TANC2: variants seen among roughly 807,000 people sequenced by gnomAD.
TANC2 encodes tetratricopeptide repeat, ankyrin repeat and coiled-coil containing 2, also known as protein TANC2.
TANC2 carries 26 observed loss-of-function variants against 210.5 expected under a neutral mutation model. The observed-to-expected ratio is 0.12, with a 90% confidence interval of 0.09 to 0.17. TANC2 has a LOEUF of 0.17. TANC2 is among the 10% of genes least tolerant of loss of function. The probability of loss-of-function intolerance (pLI) is 1.00; values close to 1 mark genes in which losing one functional copy is unlikely to be tolerated. For missense variants in TANC2, 2,129 were observed against 2,608.9 expected, an observed-to-expected ratio of 0.82 and a Z score of 4.01; for synonymous variants, 931 against 967.1, an observed-to-expected ratio of 0.96 and a Z score of 0.69.
At chr17:63,289,712 C>T (rs1361187964) in intron 9 of TANC2, among the ~76,000 whole-genome samples, 1 of 152,188 alleles carries the variant, frequency 6.6e-6, no homozygotes, top group Admixed American at 6.5e-5. Flanking sequence ...CCTGTCTCTT[C>T]ACATTGTGTT....
chr17:63,056,679 A>G (rs1425135285), intron 2 of TANC2, among the ~76,000 whole-genome samples: 1 of 152,186 alleles, frequency 6.6e-6, no homozygotes, highest in Non-Finnish European at 1.5e-5. Context: ...ACCCTGTCTC[A>G]TAAATAAAAA....
At chr17:63,232,686 A>G (rs373506012) in intron 7 of TANC2, among the ~76,000 whole-genome samples, 1 of 152,220 alleles carries the variant, frequency 6.6e-6, no homozygotes, top group Non-Finnish European at 1.5e-5. Context: ...ACCCTCCTGT[A>G]TAAGGTGTCT....
intron 5 of TANC2, among the ~76,000 whole-genome samples, chr17:63,179,875 C>G (rs138015040): frequency 1.3e-5 from 2 of 151,590 alleles, no homozygotes; most frequent in African/African-American, 4.8e-5. Context: ...CTAGGCTGGG[C>G]ATGGTTCATG....
chr17:63,063,571 T>TA (rs1356656253), intron 2 of TANC2, among the ~76,000 whole-genome samples: 6,530 of 119,476 alleles, frequency 0.055, 511 homozygotes, highest in African/African-American at 0.21. Flanking sequence ...TGTGTGTGTG[T>TA]GTGTAGATAT....
At chr17:63,303,172 T>A (rs1448373577) in intron 9 of TANC2, among the ~76,000 whole-genome samples, 1 of 152,234 alleles carries the variant, frequency 6.6e-6, no homozygotes, top group African/African-American at 2.4e-5. Context: ...CACACACTAG[T>A]TGATGCAATT....
At chr17:63,304,031 C>T (rs921895637) in intron 9 of TANC2, among the ~76,000 whole-genome samples, 1 of 152,000 alleles carries the variant, frequency 6.6e-6, no homozygotes, top group Non-Finnish European at 1.5e-5. Context: ...TGGGTTAGAA[C>T]ATGCTACTTT....
chr17:63,404,981 A>G, intron 19 of TANC2, 141 bp from the exon 20 acceptor site: 1 of 1,027,538 alleles, frequency 9.7e-7, no homozygotes, highest in Non-Finnish European at 1.3e-6. Context: ...ACTTTTCTTT[A>G]TGGAAAAGGT....
intron 4 of TANC2, 48 bp from the exon 5 acceptor site, chr17:63,151,222 C>T (rs2039642573): frequency 3.5e-6 from 3 of 860,416 alleles, no homozygotes; most frequent in Admixed American, 6.2e-5. Flanking sequence ...TTCTTTCTCT[C>T]TTGCTCTCTC....
chr17:63,274,943 C>T (rs897037172), intron 9 of TANC2, among the ~76,000 whole-genome samples: 37 of 151,948 alleles, frequency 2.4e-4, no homozygotes, highest in African/African-American at 8.0e-4. Context: ...TCTCTCATTC[C>T]GCAGAGAAAG....
rs147041277 is a variant in TANC2, at chr17:63,161,254, T to C, written c.433+9874T>C. 8.3e-3 allele frequency among the ~76,000 whole-genome samples: 1,261 copies of C among 152,056 alleles called. 14 individuals carry two copies. The highest frequency in any genetic ancestry group is 0.028 in the African/African-American group (1,153 of 41,488). On this transcript the variant is annotated intron_variant, in intron 5 of 27. Transcript: ENST00000689528. ...GTGTGCACCTGTGGTCCCAGCTACT[T>C]GGGGGGTTGAGGTGGGAGGATCGCT... is the stretch of plus-strand genomic sequence containing the variant.
At chr17:63,268,889 T>C (rs539304683) in intron 9 of TANC2, among the ~76,000 whole-genome samples, 68 of 152,192 alleles carry the variant, frequency 4.5e-4, no homozygotes, top group Non-Finnish European at 7.4e-4. Flanking sequence ...CCAAACTGTC[T>C]CTGATAGCTT....
At chr17:63,202,938 T>C (rs2041583326) in intron 7 of TANC2, among the ~76,000 whole-genome samples, 1 of 152,184 alleles carries the variant, frequency 6.6e-6, no homozygotes, top group Non-Finnish European at 1.5e-5. Context: ...AAAATCTATA[T>C]GAACACCAAA....
Position 63,308,888 on chromosome 17 carries a change from A to T in TANC2, c.1160-5500A>T, listed in dbSNP as rs190976599. Among the ~76,000 whole-genome samples, 496 of 152,206 alleles carry T rather than the reference A, an allele frequency of 3.3e-3. 1 individual carries two copies. The highest frequency in any genetic ancestry group is 6.8e-3 in the African/African-American group (283 of 41,556). ...AATATTCCTATTGAAAAATTTTTTT[A>T]AAAAAATTATAATTAAAGATATAAT... On this transcript the variant is annotated intron_variant, in intron 9 of 27. Transcript: ENST00000689528.
At position 63,108,888 on chromosome 17, in the gene TANC2, C is replaced by T. The variant is rs540548997; in HGVS notation, c.322+9531C>T. The stretch of plus-strand genomic sequence containing the variant: ...AGTTGGCCATAAAGAAATCTCTGTA[C>T]AATGCACATATTTTTCATTGAAAAT... On this transcript the variant is annotated intron_variant, in intron 4 of 27. Transcript: ENST00000689528. 4.0e-5 allele frequency among the ~76,000 whole-genome samples: 6 copies of T among 151,316 alleles called. No homozygotes were observed. The South Asian group carries it at 6.2e-4, about 16-fold the overall frequency.
chr17:63,076,036 TCAA>T (rs1457457916), intron 3 of TANC2, among the ~76,000 whole-genome samples: 1 of 151,926 alleles, frequency 6.6e-6, no homozygotes, highest in Non-Finnish European at 1.5e-5. Context: ...GCAGAGGAAA[TCAA>T]CAAAACAACC....
chr17:63,388,568 T>A, intron 15 of TANC2, 67 bp from the exon 16 acceptor site: 1 of 1,511,726 alleles, frequency 6.6e-7, no homozygotes, highest in Admixed American at 2.1e-5. Context: ...AAGAGGCCAC[T>A]AATTCACCAC....
chr17:63,177,368 A>ATG (rs1310123687), intron 5 of TANC2, among the ~76,000 whole-genome samples: 3 of 151,862 alleles, frequency 2.0e-5, no homozygotes, highest in African/African-American at 7.2e-5. Context: ...AGATCAGTAG[A>ATG]TGAATAGGAA....
At chr17:63,285,654 A>G (rs2146380062) in intron 9 of TANC2, among the ~76,000 whole-genome samples, 1 of 152,292 alleles carries the variant, frequency 6.6e-6, no homozygotes, top group East Asian at 1.9e-4. Context: ...ACAAGCTTCC[A>G]AGTACCCTCC....
At position 63,215,809 on chromosome 17, in the gene TANC2, G is replaced by A. The variant is rs555362235; in HGVS notation, c.769+14852G>A. On this transcript the variant is annotated intron_variant, in intron 7 of 27. Coordinates refer to ENST00000689528, the Ensembl canonical transcript of TANC2. ...CTGTTGCCCAGGCTGGAGTTCAGTG[G>A]TGTGGTATCAGCTCACTGCAAGCTC... 1.5e-4 allele frequency among the ~76,000 whole-genome samples: 23 copies of A among 151,946 alleles called. No homozygotes were observed. The South Asian group carries it at 4.8e-3, about 32-fold the overall frequency.
Sources: gnomAD v4.1 joint callset for allele counts (sites outside exome capture counted in the v4.1 genomes callset) on GRCh38, gnomAD v4.1.1 for gene constraint, MANE v1.5 for transcripts, NCBI Gene and HGNC (gene_info 2026-07-23, HGNC 2026-07-21) for gene names.